The following VWA3B variants were observed in gnomAD, a reference collection of about 807,000 sequenced individuals.
VWA3B encodes the protein von Willebrand factor A domain containing 3B.
VWA3B carries 138 observed loss-of-function variants against 158.3 expected under a neutral mutation model. That is an observed-to-expected ratio of 0.87 (90% CI 0.76 to 1.00). The LOEUF is 1.00. VWA3B is among the 50% of genes least tolerant of loss of function. The pLI is 0.00. For missense variants in VWA3B, 1,555 were observed against 1,565.1 expected, an observed-to-expected ratio of 0.99 and a Z score of 0.11; for synonymous variants, 596 against 587.3, an observed-to-expected ratio of 1.01 and a Z score of -0.21.
chr2:98,230,279 C>G, intron 16 of VWA3B, 72 bp downstream of exon 16: 1 of 1,372,688 alleles, frequency 7.3e-7, no homozygotes, highest in Non-Finnish European at 9.5e-7. Context: ...TAAAACTAAA[C>G]CCACATAATA....
At chr2:98,255,182 ATTTTTTTTT>A (rs769708577) in intron 20 of VWA3B, among the ~76,000 whole-genome samples, 10 of 52,164 alleles carry the variant, frequency 1.9e-4, no homozygotes, top group South Asian at 1.3e-3. Flanking sequence ...CCCGGCTGAT[ATTTTTTTTT>A]TTTTTTTTTT....
chr2:98,156,010 C>T (rs762517947), intron 7 of VWA3B, among the ~76,000 whole-genome samples: 1 of 152,178 alleles, frequency 6.6e-6, no homozygotes, highest in Non-Finnish European at 1.5e-5. Context: ...AAGAATATAG[C>T]TCCCTGGGGT....
chr2:98,207,105 CT>C, intron 12 of VWA3B: 1 of 528,532 alleles, frequency 1.9e-6, no homozygotes. Flanking sequence ...GGGTGTCTGC[CT>C]TATTGGGCAG....
chr2:98,258,476 A>G lies in VWA3B; in HGVS notation c.2843+2302A>G, dbSNP rs920220697. Among the ~76,000 whole-genome samples the G allele has an allele frequency of 5.0e-4, 76 of 151,968 alleles. 1 individual carries two copies. Among genetic ancestry groups the G allele is most frequent in the African/African-American group, 1.8e-3 (75 of 41,520 alleles). ...ACCATTTTAACAATATTGTTTTCCA[A>G]TCAATGAACATAGAATGTCTTTCCA... is the stretch of plus-strand genomic sequence containing the variant. On this transcript the variant is annotated intron_variant, in intron 21 of 27. Coordinates refer to ENST00000477737, the MANE Select transcript of VWA3B (RefSeq NM_144992.5).
chr2:98,220,113 G>A (rs771610984), intron 14 of VWA3B, among the ~76,000 whole-genome samples: 78 of 142,102 alleles, frequency 5.5e-4, no homozygotes, highest in Admixed American at 8.7e-4. Flanking sequence ...GCAGTGAGCC[G>A]AGATCACACC....
chr2:98,315,280 A>C (rs1202919080), downstream of VWA3B, among the ~76,000 whole-genome samples: 1 of 152,230 alleles, frequency 6.6e-6, no homozygotes, highest in Non-Finnish European at 1.5e-5. Context: ...AAGTAATAAA[A>C]GGGGTTCAAT....
intron 12 of VWA3B, among the ~76,000 whole-genome samples, chr2:98,197,576 G>A (rs971182733): frequency 6.6e-6 from 1 of 151,980 alleles, no homozygotes; most frequent in Non-Finnish European, 1.5e-5. Flanking sequence ...TATTCTATAA[G>A]GAAAAGATTT....
the VWA3B span, among the ~76,000 whole-genome samples, chr2:98,326,107 G>A: frequency 3.9e-5 from 6 of 152,136 alleles, no homozygotes; most frequent in Admixed American, 2.0e-4. Flanking sequence ...AGAAGAAATC[G>A]CAAGGTAAAA....
intron 19 of VWA3B, among the ~76,000 whole-genome samples, chr2:98,243,201 T>G (rs1248362666): frequency 6.6e-6 from 1 of 152,138 alleles, no homozygotes; most frequent in Non-Finnish European, 1.5e-5. Flanking sequence ...CCATGAACAT[T>G]GTTCCATGCT....
At chr2:98,093,797 C>T (rs77789165) in intron 2 of VWA3B, among the ~76,000 whole-genome samples, 8,270 of 152,204 alleles carry the variant, frequency 0.054, 324 homozygotes, top group East Asian at 0.14. Context: ...CCGATTCCCA[C>T]CGCCACAACC....
chr2:98,089,358 G>A (rs921222210), intron 1 of VWA3B, among the ~76,000 whole-genome samples: 3 of 152,114 alleles, frequency 2.0e-5, no homozygotes, highest in Non-Finnish European at 4.4e-5. Flanking sequence ...CAAAAGTTAG[G>A]GTTTTCCCAG....
intron 2 of VWA3B, among the ~76,000 whole-genome samples, chr2:98,102,824 T>C (rs1259649030): frequency 6.6e-6 from 1 of 152,238 alleles, no homozygotes; most frequent in East Asian, 1.9e-4. Flanking sequence ...TTGATACAAC[T>C]GACAAGTGAA....
chr2:98,266,317 G>T (rs1470011156), intron 21 of VWA3B, among the ~76,000 whole-genome samples: 13 of 151,558 alleles, frequency 8.6e-5, no homozygotes, highest in Non-Finnish European at 1.6e-4. Context: ...TTTCCCCATT[G>T]CTTGTTTTTC....
At chr2:98,173,221 C>T (rs62154925) in intron 8 of VWA3B, among the ~76,000 whole-genome samples, 13,440 of 152,226 alleles carry the variant, frequency 0.088, 823 homozygotes, top group East Asian at 0.23. Context: ...TCTTATGCAA[C>T]CAGAAGCGAA....
chr2:98,250,282 A>G (rs1318491990), intron 19 of VWA3B, 36 bp from the exon 20 acceptor site: 2 of 1,555,328 alleles, frequency 1.3e-6, no homozygotes. Context: ...TAACCTATCA[A>G]GTGACACTTT....
Position 98,303,891 on chromosome 2 carries a change from A to G in VWA3B, c.3521+89A>G, listed in dbSNP as rs1361386157. ...TTGAGATGAGATCCATGACCTCTAA[A>G]TACTAGGGAAGAAAAGTAGAGATGC... On this transcript the variant is annotated intron_variant, in intron 26 of 27. Transcript: ENST00000477737. The G allele has an allele frequency of 3.5e-5, 44 of 1,245,146 alleles. 1 individual carries two copies. In the South Asian group the frequency reaches 5.3e-4, roughly 15 times the overall value. The allele number at this position is 1,245,146 out of a possible 1,614,324, so 77.1% of individuals were successfully genotyped here.
At chr2:98,272,663 A>C (rs762098733) in intron 22 of VWA3B, among the ~76,000 whole-genome samples, 3 of 152,202 alleles carry the variant, frequency 2.0e-5, no homozygotes, top group Non-Finnish European at 4.4e-5. Context: ...ACACACAAAG[A>C]ACAGTACTTC....
chr2:98,128,350 G>A lies in VWA3B; in HGVS notation c.814G>A (p.Ala272Thr), dbSNP rs1264488515. The A allele has an allele frequency of 1.1e-5, 17 of 1,613,930 alleles. No individual in the cohort carries two copies. In the East Asian group the frequency reaches 1.1e-4, roughly 11 times the overall value. ...PCPVYTVSFN[A>T]RGEGTIAFLK... ...TCCAGTCTACACAGTGTCCTTCAAC[G>A]CCAGAGGAGAAGGCACTATAGCTTT... The change falls in exon 6 of 28, where the codon GCC (alanine) becomes ACC (threonine). Residue 272 changes from alanine to threonine, a missense_variant. Physicochemically the swap from Ala to Thr is moderately conservative, Grantham distance 58. Transcript: ENST00000477737.
chr2:98,098,966 A>T (rs907894543), intron 2 of VWA3B, among the ~76,000 whole-genome samples: 1 of 152,144 alleles, frequency 6.6e-6, no homozygotes, highest in Non-Finnish European at 1.5e-5. Context: ...AATTTTGATC[A>T]CAAAAACCTT....
Sources: gnomAD v4.1 joint callset for allele counts (sites outside exome capture counted in the v4.1 genomes callset) on GRCh38, gnomAD v4.1.1 for gene constraint, MANE v1.5 for transcripts, NCBI Gene and HGNC (gene_info 2026-07-23, HGNC 2026-07-21) for gene names.